Variants in CACNA1S observed in about 807,000 individuals in gnomAD.
The protein encoded by CACNA1S is calcium voltage-gated channel subunit alpha1 S, also known as voltage-dependent L-type calcium channel subunit alpha-1S.
CACNA1S carries 126 observed loss-of-function variants against 207.4 expected under a neutral mutation model. The observed-to-expected ratio is 0.61, with a 90% CI of 0.53 to 0.70. The LOEUF is 0.70. Among genes scored for constraint, CACNA1S ranks in the 30% least tolerant of loss-of-function variants. The probability of loss-of-function intolerance (pLI) is 0.00; values close to 1 mark genes in which losing one functional copy is unlikely to be tolerated. For synonymous variants in CACNA1S, 960 were observed against 932.7 expected, an observed-to-expected ratio of 1.03 and a Z score of -0.53; for missense variants, 2,349 against 2,422.8, an observed-to-expected ratio of 0.97 and a Z score of 0.64.
Position 201,051,246 on chromosome 1 carries a change from G to A in CACNA1S, c.3954-103C>T, listed in dbSNP as rs1660639226. Reference sequence around the variant, plus strand: ...GGGTGTGGACAGATGAGCAAACTGGGGCTGTTGTCCAATGGTAAGGAGGTC... The same window carrying A: ...GGGTGTGGACAGATGAGCAAACTGGAGCTGTTGTCCAATGGTAAGGAGGTC... On this transcript the variant is annotated intron_variant, in intron 32 of 43. Transcript: ENST00000362061. 6.2e-6 allele frequency: 7 copies of A among 1,128,240 alleles called. No homozygotes were observed. The Admixed American group carries it at 1.1e-4, about 17-fold the overall frequency. The allele number at this position is 1,128,240 out of a possible 1,614,324, so 69.9% of individuals were successfully genotyped here.
rs1323074330 is a variant in CACNA1S at position 201,047,593 on chromosome 1, G to T, written c.4475C>A (p.Ala1492Asp). The change falls in exon 37 of 44, where the codon GCC (alanine) becomes GAC (aspartate). Residue 1492 changes from alanine to aspartate, a missense_variant. Coordinates refer to ENST00000362061, the MANE Select transcript of CACNA1S (RefSeq NM_000069.3). ...TCTCTTCCAGATCTTCTTGATGATG[G>T]CCCTCAGCTCCTCGTTGGCCTGCTC... ...NFEQANEELR[A>D]IIKKIWKRTS... 1.9e-6 allele frequency: 3 copies of T among 1,614,054 alleles called. No homozygotes were observed. The highest frequency in any genetic ancestry group is 2.5e-6 in the Non-Finnish European group (3 of 1,180,032).
At chr1:201,111,694 G>A (rs1020284958) in intron 1 of CACNA1S, among the ~76,000 whole-genome samples, 1 of 152,090 alleles carries the variant, frequency 6.6e-6, no homozygotes, top group African/African-American at 2.4e-5. Context: ...TTCTCAAAGA[G>A]GCCATCGCAT....
intron 3 of CACNA1S, among the ~76,000 whole-genome samples, chr1:201,093,035 A>T (rs1193602049): frequency 6.6e-6 from 1 of 152,232 alleles, no homozygotes; most frequent in Non-Finnish European, 1.5e-5. Flanking sequence ...GCAAGAATTA[A>T]GTGAGAGGGT....
At chr1:201,054,989 C>T (rs906654987) in intron 28 of CACNA1S, among the ~76,000 whole-genome samples, 3 of 152,142 alleles carry the variant, frequency 2.0e-5, no homozygotes, top group African/African-American at 7.2e-5. Flanking sequence ...AGGGTCCGGG[C>T]CCCTGTGGAA....
At position 201,066,066 on chromosome 1, in the gene CACNA1S, G is replaced by T; in HGVS notation, c.2746-121C>A. On this transcript the variant is annotated intron_variant, in intron 21 of 43. Coordinates refer to ENST00000362061, the MANE Select transcript of CACNA1S (RefSeq NM_000069.3). The surrounding 1 kb of genome is among the most constrained non-coding windows in gnomAD (Gnocchi z 4.3). Reference sequence around the variant, plus strand: ...CCTGATGAGTTGGAGGTGGGGAAAGGCTGGTGGGGAAGCATAGCTACCCCA... The same window carrying T: ...CCTGATGAGTTGGAGGTGGGGAAAGTCTGGTGGGGAAGCATAGCTACCCCA... 1.1e-6 allele frequency: 1 copy of T among 933,578 alleles called. No individual in the cohort carries two copies. The highest frequency in any genetic ancestry group is 1.7e-6 in the Non-Finnish European group (1 of 584,412). 57.8% of individuals were successfully genotyped at this position (933,578 alleles called of 1,614,324 possible).
At position 201,060,703 on chromosome 1, in the gene CACNA1S, C is replaced by G. The variant is rs535424694; in HGVS notation, c.3369G>C (p.Leu1123=). ...YIVTSSYFEY[L]MFALIMLNTI... ...TGTTGAGCATGATGAGGGCAAACATCAGGTATTCAAAGTAGGAGGAGGTGA... is the reference window on the plus strand; with the variant it reads ...TGTTGAGCATGATGAGGGCAAACATGAGGTATTCAAAGTAGGAGGAGGTGA... The change falls in exon 26 of 44, where the codon CTG becomes CTC. Residue 1123 remains leucine, a synonymous_variant. Transcript: ENST00000362061. 6.2e-7 allele frequency: 1 copy of G among 1,614,176 alleles called. No individual in the cohort carries two copies. Among genetic ancestry groups the G allele is most frequent in the South Asian group, 1.1e-5 (1 of 91,078 alleles).
chr1:201,049,142 C>T (rs543264401), intron 34 of CACNA1S, 43 bp from the exon 35 acceptor site: 77 of 1,386,438 alleles, frequency 5.6e-5, no homozygotes, highest in African/African-American at 1.9e-4. Flanking sequence ...TACCCTCCTC[C>T]GCTGCCAGAA....
rs191004446 is a variant in CACNA1S, at chr1:201,090,079, G to A, written c.695-616C>T. ...TTAGGATGTTTTACAGTCTCCTTTT[G>A]TGTTCAGAGATTAGATTGGCTCATC... On this transcript the variant is annotated intron_variant, in intron 5 of 43. Coordinates refer to ENST00000362061, the MANE Select transcript of CACNA1S (RefSeq NM_000069.3). Among the ~76,000 whole-genome samples, 6 of 152,270 alleles carry A rather than the reference G, an allele frequency of 3.9e-5. No individual in the cohort carries two copies. The East Asian group carries it at 1.2e-3, about 29-fold the overall frequency.
At chr1:201,058,625 C>G in intron 27 of CACNA1S, 134 bp from the exon 28 acceptor site, 2 of 715,310 alleles carry the variant, frequency 2.8e-6, no homozygotes, top group Non-Finnish European at 5.1e-6. Flanking sequence ...GCCCATGACT[C>G]CACCTCCCAC....
chr1:201,061,453 G>C lies in CACNA1S; in HGVS notation c.3069C>G (p.Ala1023=). Residue 1023 remains alanine (A), a synonymous_variant, in exon 25 of 44, where the codon GCC becomes GCG. Coordinates refer to ENST00000362061, the MANE Select transcript of CACNA1S (RefSeq NM_000069.3). The stretch of plus-strand genomic sequence containing the variant: ...CCACGTCCTCCGCATTGGAGTCTAT[G>C]GCCTTGTACAGCAGCCTGGGGGTGG... ...FEGWPQLLYK[A]IDSNAEDVGP... 6.2e-7 allele frequency: 1 copy of C among 1,614,116 alleles called. No homozygotes were observed. The highest frequency in any genetic ancestry group is 8.5e-7 in the Non-Finnish European group (1 of 1,179,946).
chr1:201,054,479 G>T (rs1246516848), intron 29 of CACNA1S, 26 bp downstream of exon 29: 1 of 1,609,272 alleles, frequency 6.2e-7, no homozygotes, highest in Non-Finnish European at 8.5e-7. Flanking sequence ...GAGCGTGCCA[G>T]GCAGGCTCGT....
intron 16 of CACNA1S, 131 bp downstream of exon 16, chr1:201,072,624 G>A (rs1022772199): frequency 2.5e-5 from 19 of 759,204 alleles, no homozygotes; most frequent in African/African-American, 6.8e-5. Context: ...GGATGTCTCC[G>A]GTGTTCTGAT....
Position 201,070,318 on chromosome 1 carries a change from G to A in CACNA1S, c.2314C>T (p.Pro772Ser). Residue 772 changes from proline to serine, a missense_variant, in exon 17 of 44, where the codon CCC (proline) becomes TCC (serine). Physicochemically the swap from Pro to Ser is moderately conservative, Grantham distance 74. Coordinates refer to ENST00000362061, the MANE Select transcript of CACNA1S (RefSeq NM_000069.3). ...AAGAAGGAGCTGGCTTCTGGAATGG[G>A]CACGGCCTTCTCTTTCAGCTGCAGC... ...AELQLKEKAV[P>S]IPEASSFFIF... 6.2e-7 allele frequency: 1 copy of A among 1,614,092 alleles called. No homozygotes were observed.
At chr1:201,059,323 T>A in intron 26 of CACNA1S, 24 bp from the exon 27 acceptor site, 1 of 1,533,688 alleles carries the variant, frequency 6.5e-7, no homozygotes, top group Non-Finnish European at 9.0e-7. Context: ...ACAGGAGCAG[T>A]GGGTCAGGGG....
intron 5 of CACNA1S, among the ~76,000 whole-genome samples, chr1:201,090,390 G>A (rs560379505): frequency 6.6e-6 from 1 of 152,180 alleles, no homozygotes. Flanking sequence ...GTGGTGATGG[G>A]AGGAGGCTGA....
chr1:201,060,876 C>T, intron 25 of CACNA1S, 60 bp from the exon 26 acceptor site: 4 of 1,601,922 alleles, frequency 2.5e-6, no homozygotes, highest in Non-Finnish European at 3.4e-6. Context: ...CTCTCCACAC[C>T]CACATCCATG....
chr1:201,041,726 C>T (rs1660227317), intron 40 of CACNA1S, 137 bp from the exon 41 acceptor site: 1 of 721,268 alleles, frequency 1.4e-6, no homozygotes, highest in African/African-American at 1.7e-5. Flanking sequence ...GACTCTAGGG[C>T]TGACGTTTCC....
chr1:201,062,515 C>T lies in CACNA1S; in HGVS notation c.2854-1G>A. The T allele has an allele frequency of 6.2e-7, 1 of 1,611,170 alleles. No homozygotes were observed. Among genetic ancestry groups the T allele is most frequent in the Non-Finnish European group, 8.5e-7 (1 of 1,177,904 alleles). The stretch of plus-strand genomic sequence containing the variant: ...AGTCGGTGCACCTGAAGAACTTCCC[C>T]TGCAGCCAGGAAGAGGGAGGGAGGG... On this transcript the variant is annotated splice_acceptor_variant, in intron 22 of 43. Coordinates refer to ENST00000362061, the MANE Select transcript of CACNA1S (RefSeq NM_000069.3). LOFTEE classifies it high-confidence loss of function.
At chr1:201,055,934 T>C (rs1370156287) in intron 28 of CACNA1S, among the ~76,000 whole-genome samples, 5 of 152,224 alleles carry the variant, frequency 3.3e-5, no homozygotes, top group Non-Finnish European at 7.3e-5. Flanking sequence ...TTTGGCTGTT[T>C]AGATTTCTCT....
Sources: gnomAD v4.1 joint callset for allele counts (sites outside exome capture counted in the v4.1 genomes callset) on GRCh38, gnomAD v4.1.1 for gene constraint, Gnocchi (gnomAD v3.1) non-coding constraint, MANE v1.5 for transcripts, NCBI Gene and HGNC (gene_info 2026-07-23, HGNC 2026-07-21) for gene names.